Variants in AGAP1 observed in about 807,000 individuals in gnomAD.
The protein encoded by AGAP1 is arf-GAP with GTPase, ANK repeat and PH domain-containing protein 1.
AGAP1 carries 29 observed loss-of-function variants against 105.3 expected under a neutral mutation model. That is an observed-to-expected ratio of 0.28 (90% CI 0.21 to 0.38). The LOEUF is 0.38. AGAP1 is among the 10% of genes least tolerant of loss of function. The probability of loss-of-function intolerance (pLI) is 1.00; values close to 1 mark genes in which losing one functional copy is unlikely to be tolerated. For synonymous variants in AGAP1, 509 were observed against 485.9 expected, an observed-to-expected ratio of 1.05 and a Z score of -0.63; for missense variants, 998 against 1,165.1, an observed-to-expected ratio of 0.86 and a Z score of 2.09.
chr2:235,719,700 AGG>A lies in AGAP1; in HGVS notation c.310+2059_310+2060del, dbSNP rs1380269369. ...CCCCATGCCCAAGGCTTCCTGGGTC[AGG>A]GGAAAGATCATGATCCCTGACCTTT... On this transcript the variant is annotated intron_variant, in intron 3 of 17. Transcript: ENST00000304032. The surrounding 1 kb of genome is among the most constrained non-coding windows in gnomAD (Gnocchi z 4.9). Among the ~76,000 whole-genome samples the A allele has an allele frequency of 6.6e-6, 1 of 152,192 alleles. No individual in the cohort carries two copies. The highest frequency in any genetic ancestry group is 2.4e-5 in the African/African-American group (1 of 41,446).
chr2:236,092,972 A>C lies in AGAP1; in HGVS notation c.2115-27220A>C, dbSNP rs2059102089. 6.6e-6 allele frequency among the ~76,000 whole-genome samples: 1 copy of C among 152,184 alleles called. No individual in the cohort carries two copies. The highest frequency in any genetic ancestry group is 2.1e-4 in the South Asian group (1 of 4,836). ...CCACTGGCCAAATCTGGAACAATTG[A>C]AGCATCTAAAAGAATAGTGTTGGTG... On this transcript the variant is annotated intron_variant, in intron 16 of 17. Coordinates refer to ENST00000304032, the MANE Select transcript of AGAP1 (RefSeq NM_001037131.3). This position sits in a 1 kb window ranked among gnomAD's most constrained non-coding sequence, Gnocchi z 4.7.
intron 16 of AGAP1, among the ~76,000 whole-genome samples, chr2:236,116,357 C>CTT (rs371846381): frequency 7.7e-6 from 1 of 129,082 alleles, no homozygotes; most frequent in Non-Finnish European, 1.7e-5. Context: ...TAATTAAGTT[C>CTT]TTTTTTTTTT....
In AGAP1 at chr2:235,572,860, C is replaced by T. The variant is rs188656071; in HGVS notation, c.163+78011C>T. On this transcript the variant is annotated intron_variant, in intron 1 of 17. Coordinates refer to ENST00000304032, the MANE Select transcript of AGAP1 (RefSeq NM_001037131.3). Reference sequence around the variant, plus strand: ...CATGTGAACAGGACCAGCTCGGCTGCGGGAGCTCCTGGTGTTGGGGGCAGG... The same window carrying T: ...CATGTGAACAGGACCAGCTCGGCTGTGGGAGCTCCTGGTGTTGGGGGCAGG... Among the ~76,000 whole-genome samples the T allele has an allele frequency of 2.7e-4, 41 of 152,244 alleles. No individual in the cohort carries two copies. In the East Asian group the frequency reaches 3.7e-3, roughly 14 times the overall value.
At position 236,056,086 on chromosome 2, in the gene AGAP1, C is replaced by T. The variant is rs140420358; in HGVS notation, c.2114+6805C>T. Among the ~76,000 whole-genome samples, 1 of 152,278 alleles carries T rather than the reference C, an allele frequency of 6.6e-6. No individual in the cohort carries two copies. The highest frequency in any genetic ancestry group is 1.9e-4 in the East Asian group (1 of 5,180). On this transcript the variant is annotated intron_variant, in intron 16 of 17. Coordinates refer to ENST00000304032, the MANE Select transcript of AGAP1 (RefSeq NM_001037131.3). The surrounding 1 kb of genome is among the most constrained non-coding windows in gnomAD (Gnocchi z 4.6). ...TCCACCAGGGAGCTTGGTGGGAATC[C>T]AGGCAAGCTCTCCATAAAGACTGGC...
intron 16 of AGAP1, among the ~76,000 whole-genome samples, chr2:236,103,320 C>T (rs2059405401): frequency 6.6e-6 from 1 of 152,168 alleles, no homozygotes; most frequent in South Asian, 2.1e-4. Context: ...ACCCATTGGT[C>T]ACAAGCCCTG....
intron 1 of AGAP1, among the ~76,000 whole-genome samples, chr2:235,512,280 A>G (rs1942180227): frequency 6.6e-6 from 1 of 152,176 alleles, no homozygotes; most frequent in Non-Finnish European, 1.5e-5. Flanking sequence ...AAGGTTGGGA[A>G]ACACTGGTTT....
intron 9 of AGAP1, among the ~76,000 whole-genome samples, chr2:235,881,264 C>T (rs2050010631): frequency 1.3e-5 from 2 of 152,140 alleles, no homozygotes; most frequent in Non-Finnish European, 2.9e-5. Context: ...AATAATTATT[C>T]ATTCTTATGT....
In AGAP1 at chr2:235,852,827, C is replaced by T. The variant is rs1049408688; in HGVS notation, c.1051-30518C>T. Reference sequence around the variant, plus strand: ...TTGTGCTGAAGGCCCACAATCAGCCCAGCTGTCCGGGGCCATGATGAATTA... The same window carrying T: ...TTGTGCTGAAGGCCCACAATCAGCCTAGCTGTCCGGGGCCATGATGAATTA... On this transcript the variant is annotated intron_variant, in intron 9 of 17. Coordinates refer to ENST00000304032, the MANE Select transcript of AGAP1 (RefSeq NM_001037131.3). 5.3e-6 allele frequency: 8 copies of T among 1,502,664 alleles called. No individual in the cohort carries two copies. The African/African-American group carries it at 8.3e-5, about 16-fold the overall frequency. The allele number at this position is 1,502,664 out of a possible 1,614,324, so 93.1% of individuals were successfully genotyped here.
chr2:235,926,376 G>A (rs1409470131), intron 11 of AGAP1, among the ~76,000 whole-genome samples: 1 of 152,206 alleles, frequency 6.6e-6, no homozygotes, highest in Non-Finnish European at 1.5e-5. Flanking sequence ...CTGACACATG[G>A]CACGAGATGC....
intron 13 of AGAP1, among the ~76,000 whole-genome samples, chr2:236,032,652 G>A (rs553093324): frequency 2.0e-5 from 3 of 152,302 alleles, no homozygotes; most frequent in African/African-American, 7.2e-5. Flanking sequence ...TGCAGATTGT[G>A]TGAGTGAAGG....
At chr2:236,060,966 G>C (rs962479142) in intron 16 of AGAP1, among the ~76,000 whole-genome samples, 37 of 152,146 alleles carry the variant, frequency 2.4e-4, no homozygotes, top group African/African-American at 8.7e-4. Context: ...GGGAGGCTGA[G>C]GTGGGAGGAC....
At chr2:235,933,507 G>A (rs2052827826) in intron 12 of AGAP1, among the ~76,000 whole-genome samples, 1 of 151,302 alleles carries the variant, frequency 6.6e-6, no homozygotes, top group Non-Finnish European at 1.5e-5. Flanking sequence ...CTTTATGGGG[G>A]TCTTGGTTGA....
intron 11 of AGAP1, among the ~76,000 whole-genome samples, chr2:235,912,252 CTT>C (rs1283647686): frequency 6.6e-6 from 1 of 152,180 alleles, no homozygotes; most frequent in Non-Finnish European, 1.5e-5. Flanking sequence ...TTTTTATACT[CTT>C]TGAAAATTGA....
chr2:235,892,087 G>C (rs544029995), intron 10 of AGAP1, among the ~76,000 whole-genome samples: 1 of 152,014 alleles, frequency 6.6e-6, no homozygotes, highest in East Asian at 1.9e-4. Flanking sequence ...CCAGGAGACG[G>C]AGGTTGCAGT....
At chr2:235,706,202 A>ATTTTG (rs971158672) in intron 1 of AGAP1, among the ~76,000 whole-genome samples, 5 of 151,938 alleles carry the variant, frequency 3.3e-5, no homozygotes, top group Non-Finnish European at 5.9e-5. Context: ...ATGCATATTT[A>ATTTTG]TTTTGTTTTG....
intron 14 of AGAP1, among the ~76,000 whole-genome samples, chr2:236,037,734 C>G (rs372589241): frequency 2.0e-5 from 3 of 152,154 alleles, no homozygotes; most frequent in East Asian, 3.8e-4. Flanking sequence ...GGCTACTGCC[C>G]AGTGATGTTC....
chr2:235,785,737 C>T (rs1333585517), intron 6 of AGAP1, among the ~76,000 whole-genome samples: 1 of 152,054 alleles, frequency 6.6e-6, no homozygotes, highest in Non-Finnish European at 1.5e-5. Flanking sequence ...GTACCTTTTT[C>T]TCTTTGTATG....
chr2:235,670,578 G>T, intron 1 of AGAP1: 5 of 536,696 alleles, frequency 9.3e-6, no homozygotes, highest in Non-Finnish European at 1.3e-5. Context: ...CACTGGAGCG[G>T]GCCTGAGGCG....
intron 1 of AGAP1, among the ~76,000 whole-genome samples, chr2:235,546,605 G>C (rs951842398): frequency 6.6e-6 from 1 of 152,084 alleles, no homozygotes; most frequent in African/African-American, 2.4e-5. Flanking sequence ...TAGTGGTGAC[G>C]GTCAGGGTGT....
Sources: gnomAD v4.1 joint callset for allele counts (sites outside exome capture counted in the v4.1 genomes callset) on GRCh38, gnomAD v4.1.1 for gene constraint, Gnocchi (gnomAD v3.1) non-coding constraint, MANE v1.5 for transcripts, NCBI Gene and HGNC (gene_info 2026-07-23, HGNC 2026-07-21) for gene names.